Variants in ZNF479 observed in about 807,000 individuals in gnomAD.
ZNF479 encodes KRAB zinc finger protein KR19.
ZNF479 carries 15 observed loss-of-function variants against 14.7 expected under a neutral mutation model. That is an observed-to-expected ratio of 1.02 (90% CI 0.68 to 1.57). ZNF479 has a LOEUF of 1.57. Among genes scored for constraint, ZNF479 ranks in the 40% most tolerant of loss-of-function variants. The probability of loss-of-function intolerance (pLI) is 0.00; values close to 1 mark genes in which losing one functional copy is unlikely to be tolerated. For missense variants in ZNF479, 506 were observed against 615.1 expected (o/e 0.82, Z 1.88); for synonymous variants, 145 against 211.5 (o/e 0.69, Z 2.73).
At chr7:57,138,812 G>T (rs1429364335) in intron 1 of ZNF479, among the ~76,000 whole-genome samples, 1 of 152,148 alleles carries the variant, frequency 6.6e-6, no homozygotes, top group Non-Finnish European at 1.5e-5. Flanking sequence ...CCTTTATATA[G>T]GGAGAGAGCA....
intron 1 of ZNF479, among the ~76,000 whole-genome samples, chr7:57,138,332 T>G (rs528659860): frequency 6.6e-6 from 1 of 152,194 alleles, no homozygotes; most frequent in Non-Finnish European, 1.5e-5. Flanking sequence ...ATAAAGTCTT[T>G]GAGTGATAAA....
At chr7:57,127,937 ATT>A (rs377564394) in intron 1 of ZNF479, among the ~76,000 whole-genome samples, 34,037 of 138,958 alleles carry the variant, frequency 0.24, 4,354 homozygotes, top group South Asian at 0.32. Flanking sequence ...ATATATATAT[ATT>A]TTTTTTTTTT....
chr7:57,131,733 C>T (rs542344591), intron 1 of ZNF479, among the ~76,000 whole-genome samples: 1 of 152,236 alleles, frequency 6.6e-6, no homozygotes, highest in East Asian at 1.9e-4. Context: ...CTGTACCAAA[C>T]CAATTATTGA....
chr7:57,125,345 G>T lies in ZNF479; in HGVS notation c.262+673C>A, dbSNP rs13438152. 4.0e-5 allele frequency among the ~76,000 whole-genome samples: 6 copies of T among 149,906 alleles called. 1 individual carries two copies. The highest frequency in any genetic ancestry group is 4.0e-4 in the Admixed American group (6 of 15,062). On this transcript the variant is annotated intron_variant, in intron 3 of 3. Transcript: ENST00000319636. ...CAGCCATCATAAAAACATCATAAGC[G>T]TTCTTTAAATAATCTAAAATGAAAT...
chr7:57,121,541 C>A (rs1472872783), intron 3 of ZNF479, among the ~76,000 whole-genome samples: 1 of 152,142 alleles, frequency 6.6e-6, no homozygotes, highest in Non-Finnish European at 1.5e-5. Flanking sequence ...GTATGATGGG[C>A]AGAAGATAGG....
rs781835531 is a variant in ZNF479 at position 57,119,834 on chromosome 7, G to T, written c.*6C>A. ...ATTATAAGGCCTGAGGGTGGACTTT[G>T]CCATATTATTCACATTTGTAGGGTT... On this transcript the variant is annotated 3_prime_UTR_variant, in exon 4 of 4. Transcript: ENST00000319636. 3 of 1,610,632 alleles carry T rather than the reference G, an allele frequency of 1.9e-6. No individual in the cohort carries two copies. Among genetic ancestry groups the T allele is most frequent in the Non-Finnish European group, 2.5e-6 (3 of 1,177,914 alleles).
At position 57,119,041 on chromosome 7, in the gene ZNF479, G is replaced by A. The variant is rs1225433432; in HGVS notation, c.*799C>T. Among the ~76,000 whole-genome samples the A allele has an allele frequency of 6.6e-6, 1 of 152,130 alleles. No homozygotes were observed. Among genetic ancestry groups the A allele is most frequent in the Non-Finnish European group, 1.5e-5 (1 of 68,034 alleles). On this transcript the variant is annotated 3_prime_UTR_variant, in exon 4 of 4. Transcript: ENST00000319636. ...TAAAATTTTTTAGTGAGTAAGCATG[G>A]AGAACCAGTTAAAGGGTTTGCCACA...
Position 57,118,935 on chromosome 7 carries a change from T to G in ZNF479, c.*905A>C, listed in dbSNP as rs1221633163. On this transcript the variant is annotated 3_prime_UTR_variant, in exon 4 of 4. Coordinates refer to ENST00000319636, the MANE Select transcript of ZNF479 (RefSeq NM_001370129.2). ...ACATTTCTAGAGTTTCTCACCAGTA[T>G]GATTTCTCTTTTTTAGAAAAGTTTG... Among the ~76,000 whole-genome samples, 4 of 152,210 alleles carry G rather than the reference T, an allele frequency of 2.6e-5. No homozygotes were observed. Among genetic ancestry groups the G allele is most frequent in the Non-Finnish European group, 4.4e-5 (3 of 68,036 alleles).
rs543617480 is a variant in ZNF479 at position 57,118,156 on chromosome 7, G to A, written c.*1684C>T. Among the ~76,000 whole-genome samples the A allele has an allele frequency of 4.6e-5, 7 of 152,352 alleles. No individual in the cohort carries two copies. The East Asian group carries it at 1.3e-3, about 29-fold the overall frequency. On this transcript the variant is annotated 3_prime_UTR_variant, in exon 4 of 4. Coordinates refer to ENST00000319636, the MANE Select transcript of ZNF479 (RefSeq NM_001370129.2). ...GTTTTTCACATTCATTACATGTTTA[G>A]ACTTTCTCTCCAATATAAATTCTCT...
At chr7:57,137,435 G>A (rs113906155), upstream of ZNF479, among the ~76,000 whole-genome samples, 2 of 151,726 alleles carry the variant, frequency 1.3e-5, no homozygotes, top group African/African-American at 2.4e-5. Flanking sequence ...AAAGTGCTAC[G>A]ATTACAGGCG....
upstream of ZNF479, among the ~76,000 whole-genome samples, chr7:57,132,899 A>T (rs1001196973): frequency 2.0e-5 from 3 of 152,092 alleles, no homozygotes; most frequent in Non-Finnish European, 4.4e-5. Flanking sequence ...GCACTTTGGG[A>T]GGCCGAGGCC....
intron 3 of ZNF479, among the ~76,000 whole-genome samples, chr7:57,124,807 GCT>G (rs1278905520): frequency 6.6e-6 from 1 of 152,150 alleles, no homozygotes; most frequent in Non-Finnish European, 1.5e-5. Context: ...AGGTGCGGTG[GCT>G]CACACGTGTG....
At chr7:57,130,765 G>A (rs906430885) in intron 1 of ZNF479, among the ~76,000 whole-genome samples, 2 of 152,142 alleles carry the variant, frequency 1.3e-5, no homozygotes, top group Non-Finnish European at 2.9e-5. Context: ...AATATACCCA[G>A]TGAATGTAAG....
chr7:57,133,753 C>A (rs1278795834), upstream of ZNF479, among the ~76,000 whole-genome samples: 3 of 151,940 alleles, frequency 2.0e-5, no homozygotes, highest in Non-Finnish European at 4.4e-5. Context: ...GCAATCTCAG[C>A]TACTAGGGAG....
In ZNF479 at chr7:57,120,186, T is replaced by C. The variant is rs536517622; in HGVS notation, c.1229A>G (p.Lys410Arg). ...KRIHTGERPYKCEECGKVFSL... is the reference protein window; with the variant it reads ...KRIHTGERPYRCEECGKVFSL... ...AAAGACTTTGCCACACTCTTCACAT[T>C]TGTAGGGTCTCTCTCCAGTATGAAT... The change falls in exon 4 of 4, where the codon AAA becomes AGA. Residue 410 changes from lysine (K) to arginine (R), a missense_variant. Physicochemically the swap from Lys to Arg is conservative, Grantham distance 26. Coordinates refer to ENST00000319636, the MANE Select transcript of ZNF479 (RefSeq NM_001370129.2). 6.2e-7 allele frequency: 1 copy of C among 1,608,688 alleles called. No homozygotes were observed. The highest frequency in any genetic ancestry group is 8.5e-7 in the Non-Finnish European group (1 of 1,178,016).
At chr7:57,132,945 G>A (rs62464822), upstream of ZNF479, among the ~76,000 whole-genome samples, 693 of 152,134 alleles carry the variant, frequency 4.6e-3, 4 homozygotes, top group Admixed American at 7.3e-3. Flanking sequence ...AGACAGGCCT[G>A]GCAAATATCG....
Position 57,119,188 on chromosome 7 carries a change from C to G in ZNF479, c.*652G>C, listed in dbSNP as rs557751283. Among the ~76,000 whole-genome samples, 19 of 152,278 alleles carry G rather than the reference C, an allele frequency of 1.2e-4. No homozygotes were observed. The highest frequency in any genetic ancestry group is 4.6e-4 in the Admixed American group (7 of 15,290). On this transcript the variant is annotated 3_prime_UTR_variant, in exon 4 of 4. Transcript: ENST00000319636. ...GTAGGGTTTCTCTTCAGTATTAATT[C>G]TCTTATGTATAATAAGGGTTCAAGA...
At chr7:57,135,442 C>T (rs1786602521), upstream of ZNF479, among the ~76,000 whole-genome samples, 1 of 152,028 alleles carries the variant, frequency 6.6e-6, no homozygotes, top group Non-Finnish European at 1.5e-5. Flanking sequence ...GATAGAGTCT[C>T]ACTCTTGTCG....
At position 57,119,728 on chromosome 7, in the gene ZNF479, A is replaced by G. The variant is rs1785815877; in HGVS notation, c.*112T>C. On this transcript the variant is annotated 3_prime_UTR_variant, in exon 4 of 4. Transcript: ENST00000319636. ...TCCAATATGAATTCTCTTACATTCAATTAAGGTTTGGAACTGGTTAAAGGC... is the reference window on the plus strand; with the variant it reads ...TCCAATATGAATTCTCTTACATTCAGTTAAGGTTTGGAACTGGTTAAAGGC... 5 of 1,062,674 alleles carry G rather than the reference A, an allele frequency of 4.7e-6. No individual in the cohort carries two copies. Among genetic ancestry groups the G allele is most frequent in the South Asian group, 3.4e-5 (2 of 58,246 alleles). The allele number at this position is 1,062,674 out of a possible 1,614,324, so 65.8% of individuals were successfully genotyped here.
Sources: gnomAD v4.1 joint callset for allele counts (sites outside exome capture counted in the v4.1 genomes callset) on GRCh38, gnomAD v4.1.1 for gene constraint, MANE v1.5 for transcripts, NCBI Gene and HGNC (gene_info 2026-07-23, HGNC 2026-07-21) for gene names.